The following XRCC1 variants were observed in gnomAD, a reference collection of about 807,000 sequenced individuals.
XRCC1 encodes X-ray repair cross complementing 1.
Under a neutral mutation model 83.3 loss-of-function variants are expected in XRCC1, and 52 were observed. The ratio of observed to expected loss-of-function variants is 0.62; its 90% CI spans 0.50 to 0.79. XRCC1 has a LOEUF of 0.79. Ranked by LOEUF, XRCC1 falls within the 30% of genes least tolerant of loss-of-function variation. The pLI, the probability that XRCC1 is intolerant of heterozygous loss-of-function variation, is 0.00. For synonymous variants in XRCC1, 281 were observed against 312.6 expected, an observed-to-expected ratio of 0.90 and a Z score of 1.07; for missense variants, 793 against 823.5, an observed-to-expected ratio of 0.96 and a Z score of 0.45.
At position 43,551,626 on chromosome 19, in the gene XRCC1, G is replaced by A. The variant is rs761204348; in HGVS notation, c.1144C>T (p.Arg382Cys). ...QVLGLGGRIV[R>C]KEWVLDCHRM... ...TGACAGTCCAGCACCCACTCCTTAC[G>A]CACGATGCGGCCTCCCAGGCCTAGG... The change falls in exon 10 of 17, where the codon CGT (arginine) becomes TGT (cysteine). Residue 382 changes from arginine to cysteine, a missense_variant. By Grantham distance (180) the Arg-to-Cys change is radical. Coordinates refer to ENST00000262887, the MANE Select transcript of XRCC1 (RefSeq NM_006297.3). 40 of 1,614,110 alleles carry A rather than the reference G, an allele frequency of 2.5e-5. No homozygotes were observed. Among genetic ancestry groups the A allele is most frequent in the Non-Finnish European group, 3.2e-5 (38 of 1,180,048 alleles).
chr19:43,571,941 A>C (rs1288730288), intron 2 of XRCC1, among the ~76,000 whole-genome samples: 1 of 152,222 alleles, frequency 6.6e-6, no homozygotes, highest in Non-Finnish European at 1.5e-5. Context: ...CTTTCTCTGC[A>C]CTGACAACTT....
chr19:43,555,222 A>G (rs1233714323), intron 3 of XRCC1: 1 of 155,394 alleles, frequency 6.4e-6, no homozygotes, highest in African/African-American at 2.4e-5. Flanking sequence ...GAATCCAGAG[A>G]GTCAGGCGAG....
At chr19:43,544,854 C>G (rs1023888963) in intron 14 of XRCC1, among the ~76,000 whole-genome samples, 1 of 151,412 alleles carries the variant, frequency 6.6e-6, no homozygotes, top group Non-Finnish European at 1.5e-5. Context: ...GGGGGGGTCT[C>G]ACTATGTTGC....
Position 43,553,654 on chromosome 19 carries a change from C to T in XRCC1, c.444G>A (p.Arg148=). 1.3e-6 allele frequency: 2 copies of T among 1,556,666 alleles called. No individual in the cohort carries two copies. The highest frequency in any genetic ancestry group is 1.7e-6 in the Non-Finnish European group (2 of 1,148,312). ...CATCTTTGTCTGGGGGGCTATGAAA[C>T]CGTACAAAACTCAAGCCAAAGGGGG... ...KDSPFGLSFV[R]FHSPPDKDEA... is the part of the protein sequence containing the mutation. The change falls in exon 5 of 17, where the codon CGG becomes CGA. Residue 148 remains arginine (R), a synonymous_variant. Coordinates refer to ENST00000262887, the MANE Select transcript of XRCC1 (RefSeq NM_006297.3).
rs200894967 is a variant in XRCC1, at chr19:43,552,177, G to A, written c.922C>T (p.Arg308Ter). The A allele has an allele frequency of 1.7e-5, 27 of 1,614,052 alleles. No individual in the cohort carries two copies. The highest frequency in any genetic ancestry group is 6.6e-5 in the South Asian group (6 of 91,088). Residue 308 changes from arginine (R) to a stop codon, truncating the protein, a stop_gained, in exon 9 of 17, where the codon CGA (arginine) becomes TGA (stop). Transcript: ENST00000262887. LOFTEE classifies it high-confidence loss of function. The part of the protein sequence containing the change: ...KPRGEGTEPR[R>*]PRAGPEELGK... ...AGCTCCTCTGGGCCAGCTCGGGGTC[G>A]TCTGGGCTCGGTGCCTTCTCCTCGG...
chr19:43,563,339 T>C (rs1456908265), intron 2 of XRCC1, among the ~76,000 whole-genome samples: 1 of 151,984 alleles, frequency 6.6e-6, no homozygotes, highest in African/African-American at 2.4e-5. Context: ...ATATGAAAAT[T>C]AAAATTAGCC....
chr19:43,547,950 A>C (rs2146044367), intron 10 of XRCC1, among the ~76,000 whole-genome samples: 1 of 151,402 alleles, frequency 6.6e-6, no homozygotes, highest in East Asian at 1.9e-4. Context: ...TAAAGACTAC[A>C]ACACTATAAT....
Position 43,549,691 on chromosome 19 carries a change from C to T in XRCC1, c.1199+1880G>A, listed in dbSNP as rs186079629. Among the ~76,000 whole-genome samples, 6 of 152,166 alleles carry T rather than the reference C, an allele frequency of 3.9e-5. No homozygotes were observed. In the East Asian group the frequency reaches 5.8e-4, roughly 15 times the overall value. ...ACCACCTCAGCCTCCCAAGTATCTA[C>T]GACTACAGGTATGTGCCACCACACC... On this transcript the variant is annotated intron_variant, in intron 10 of 16. Coordinates refer to ENST00000262887, the MANE Select transcript of XRCC1 (RefSeq NM_006297.3).
rs1422593530 is a variant in XRCC1, at chr19:43,553,093, TATGAAGGGAGAAAGTG to T, written c.602-18_602-3del. On this transcript the variant is annotated splice_polypyrimidine_tract_variant and splice_region_variant and intron_variant, in intron 6 of 16. Coordinates refer to ENST00000262887, the MANE Select transcript of XRCC1 (RefSeq NM_006297.3). ...GTCCTGCTGGGTCGCTGGCTGTGAC[TATGAAGGGAGAAAGTG>T]GATCCAGGATGAGAGGGCTGAGCCC... 3 of 1,563,710 alleles carry T rather than the reference TATGAAGGGAGAAAGTG, an allele frequency of 1.9e-6. No individual in the cohort carries two copies. Among genetic ancestry groups the T allele is most frequent in the Non-Finnish European group, 2.6e-6 (3 of 1,153,840 alleles).
At position 43,567,299 on chromosome 19, in the gene XRCC1, CTTTATTTA is replaced by C. The variant is rs1333519436; in HGVS notation, c.145-6287_145-6280del. 1.9e-3 allele frequency among the ~76,000 whole-genome samples: 287 copies of C among 149,856 alleles called. 2 individuals are homozygous for C. Among genetic ancestry groups the C allele is most frequent in the African/African-American group, 6.5e-3 (265 of 40,770 alleles). On this transcript the variant is annotated intron_variant, in intron 2 of 16. Transcript: ENST00000262887. ...AAAAAAAAAAACCCTGAAATGTGCA[CTTTATTTA>C]TTTATTTATTTATGTTTTTTGTTGA...
At chr19:43,574,236 C>T (rs967167822) in intron 2 of XRCC1, among the ~76,000 whole-genome samples, 1 of 151,922 alleles carries the variant, frequency 6.6e-6, no homozygotes, top group Non-Finnish European at 1.5e-5. Flanking sequence ...CCACCATACT[C>T]AGCTAATCTA....
At chr19:43,547,377 G>A (rs996319502) in intron 10 of XRCC1, among the ~76,000 whole-genome samples, 3 of 151,398 alleles carry the variant, frequency 2.0e-5, no homozygotes, top group South Asian at 2.1e-4. Context: ...GTAGAGACAC[G>A]GTTTCACCAT....
intron 2 of XRCC1, among the ~76,000 whole-genome samples, chr19:43,573,212 T>C (rs1972821754): frequency 6.6e-6 from 1 of 152,098 alleles, no homozygotes; most frequent in Non-Finnish European, 1.5e-5. Flanking sequence ...AACTGAGACT[T>C]ATACCAACAA....
chr19:43,543,757 A>T, intron 15 of XRCC1, 70 bp from the exon 16 acceptor site: 2 of 1,441,396 alleles, frequency 1.4e-6, no homozygotes, highest in Non-Finnish European at 1.9e-6. Flanking sequence ...CTCCCCAGCC[A>T]CTCTCAATGG....
rs1452581332 is a variant in XRCC1 at position 43,571,842 on chromosome 19, G to T, written c.144+3068C>A. ...GTACTGCTGTATTAAAACAGTGCTT[G>T]GCCTACAGAAGGCACTTAATAAATA... On this transcript the variant is annotated intron_variant, in intron 2 of 16. Transcript: ENST00000262887. 2.0e-5 allele frequency among the ~76,000 whole-genome samples: 3 copies of T among 152,096 alleles called. No individual in the cohort carries two copies. In the East Asian group the frequency reaches 5.8e-4, roughly 29 times the overall value.
chr19:43,549,076 AT>A (rs771587821), intron 10 of XRCC1, among the ~76,000 whole-genome samples: 1 of 152,164 alleles, frequency 6.6e-6, no homozygotes, highest in Non-Finnish European at 1.5e-5. Context: ...AGTCACACTC[AT>A]AAAACGGTGC....
At chr19:43,554,836 C>T (rs1972620185) in intron 3 of XRCC1, 32 bp from the exon 4 acceptor site, 1 of 1,596,160 alleles carries the variant, frequency 6.3e-7, no homozygotes, top group Admixed American at 1.7e-5. Flanking sequence ...GCATGAGAAC[C>T]AGGGCAGGTT....
chr19:43,568,699 C>CA (rs1413509891), intron 2 of XRCC1, among the ~76,000 whole-genome samples: 3 of 148,080 alleles, frequency 2.0e-5, no homozygotes, highest in East Asian at 2.0e-4. Flanking sequence ...GAAGACCACC[C>CA]AAAAAAACTG....
rs1972615302 is a variant in XRCC1 at position 43,554,548 on chromosome 19, T to C, written c.414+98A>G. 11 of 1,415,406 alleles carry C rather than the reference T, an allele frequency of 7.8e-6. No individual in the cohort carries two copies. The South Asian group carries it at 1.6e-4, about 21-fold the overall frequency. The allele number at this position is 1,415,406 out of a possible 1,614,324, so 87.7% of individuals were successfully genotyped here. On this transcript the variant is annotated intron_variant, in intron 4 of 16. Transcript: ENST00000262887. ...CCCCATAATCCCATGGGACACCAGC[T>C]GTCTACTCCTCCCAGCCCTATGGGA...
Sources: allele counts gnomAD v4.1 joint callset (sites outside exome capture counted in the v4.1 genomes callset), GRCh38; gene constraint gnomAD v4.1.1; transcripts MANE v1.5; gene names NCBI Gene and HGNC (gene_info 2026-07-23, HGNC 2026-07-21).